The following KCNQ1 variants were observed in gnomAD, a reference collection of about 807,000 sequenced individuals.
KCNQ1 encodes the protein potassium voltage-gated channel subfamily Q member 1, also known as potassium voltage-gated channel subfamily KQT member 1.
Under a neutral mutation model 72.4 loss-of-function variants are expected in KCNQ1, and 49 were observed. The ratio of observed to expected loss-of-function variants is 0.68; its 90% confidence interval spans 0.54 to 0.86. The LOEUF is 0.86. Ranked by LOEUF, KCNQ1 falls within the 40% of genes least tolerant of loss-of-function variation. The pLI is 0.00. For synonymous variants in KCNQ1, 450 were observed against 412.6 expected (o/e 1.09, Z -1.10); for missense variants, 790 against 945.1 (o/e 0.84, Z 2.15).
chr11:2,640,355 C>T, intron 10 of KCNQ1: 1 of 398,586 alleles, frequency 2.5e-6, no homozygotes, highest in Non-Finnish European at 4.4e-6. Flanking sequence ...GGAACCACCC[C>T]ACTTACTGCA....
At chr11:2,607,112 C>T (rs768479319) in intron 10 of KCNQ1, among the ~76,000 whole-genome samples, 29 of 151,764 alleles carry the variant, frequency 1.9e-4, no homozygotes, top group Non-Finnish European at 2.8e-4. Context: ...ACCATATTAG[C>T]CAGTATGGTC....
intron 10 of KCNQ1, chr11:2,614,837 CTT>C (rs1204424114): frequency 5.0e-6 from 2 of 398,376 alleles, no homozygotes; most frequent in Non-Finnish European, 8.9e-6. Flanking sequence ...AGTCTTCCAA[CTT>C]TGTTCTTTTT....
rs1265685297 is a variant in KCNQ1 at position 2,612,622 on chromosome 11, A to G, written c.1393+23768A>G. ...TTCTATCTCTATATTGATATTATCT[A>G]TTTGATGAGTCTTTGTCATCACACT... On this transcript the variant is annotated intron_variant, in intron 10 of 15. Coordinates refer to ENST00000155840, the MANE Select transcript of KCNQ1 (RefSeq NM_000218.3). This position sits in a 1 kb window ranked among gnomAD's most constrained non-coding sequence, Gnocchi z 5.5. 20 of 398,434 alleles carry G rather than the reference A, an allele frequency of 5.0e-5. No homozygotes were observed. The East Asian group carries it at 7.1e-4, about 14-fold the overall frequency. 24.7% of individuals were successfully genotyped at this position (398,434 alleles called of 1,614,324 possible).
At chr11:2,810,036 T>C (rs1847456332) in intron 15 of KCNQ1, among the ~76,000 whole-genome samples, 2 of 152,202 alleles carry the variant, frequency 1.3e-5, no homozygotes, top group Admixed American at 1.3e-4. Context: ...GGTGCCCTAT[T>C]GATAGTTTAA....
chr11:2,822,937 A>G (rs529803968), intron 15 of KCNQ1, among the ~76,000 whole-genome samples: 2 of 152,218 alleles, frequency 1.3e-5, no homozygotes, highest in African/African-American at 4.8e-5. Flanking sequence ...AAAAAAAAAA[A>G]AATCAGTAAA....
rs1846596911 is a variant in KCNQ1 at position 2,477,977 on chromosome 11, C to T, written c.386+32493C>T. Among the ~76,000 whole-genome samples the T allele has an allele frequency of 6.6e-6, 1 of 152,140 alleles. No homozygotes were observed. The highest frequency in any genetic ancestry group is 1.9e-4 in the East Asian group (1 of 5,202). ...TTGTAGTCTCAGTGTCTCCCACCACCACTTACTAGTTACAAAGGAAAAAGA... is the reference window on the plus strand; with the variant it reads ...TTGTAGTCTCAGTGTCTCCCACCACTACTTACTAGTTACAAAGGAAAAAGA... On this transcript the variant is annotated intron_variant, in intron 1 of 15. Transcript: ENST00000155840. The surrounding 1 kb of genome is among the most constrained non-coding windows in gnomAD (Gnocchi z 5.0).
chr11:2,587,737 G>T, intron 9 of KCNQ1, 45 bp downstream of exon 9: 1 of 1,612,932 alleles, frequency 6.2e-7, no homozygotes, highest in Non-Finnish European at 8.5e-7. Flanking sequence ...CTTGCTAGCA[G>T]GTGGGGAGGC....
At position 2,843,577 on chromosome 11, in the gene KCNQ1, C is replaced by T. The variant is rs746761499; in HGVS notation, c.1795-4190C>T. 4.5e-4 allele frequency among the ~76,000 whole-genome samples: 68 copies of T among 152,398 alleles called. 1 individual carries two copies. Among genetic ancestry groups the T allele is most frequent in the Non-Finnish European group, 5.3e-4 (36 of 68,028 alleles). The stretch of plus-strand genomic sequence containing the variant: ...TGGGAGCAGCGGGTGTGCCCGGCCT[C>T]TCCCGCCTGTCCCTGGCCAGTCTGC... On this transcript the variant is annotated intron_variant, in intron 15 of 15. Coordinates refer to ENST00000155840, the MANE Select transcript of KCNQ1 (RefSeq NM_000218.3).
At position 2,458,488 on chromosome 11, in the gene KCNQ1, G is replaced by A. The variant is rs889762301; in HGVS notation, c.386+13004G>A. ...GGGACTCCCGCAGATGCCTGAGGCG[G>A]CAGTGCTGCTGAAGTCCTGCCAGGC... On this transcript the variant is annotated intron_variant, in intron 1 of 15. Coordinates refer to ENST00000155840, the MANE Select transcript of KCNQ1 (RefSeq NM_000218.3). This position sits in a 1 kb window ranked among gnomAD's most constrained non-coding sequence, Gnocchi z 4.6. Among the ~76,000 whole-genome samples, 5 of 152,258 alleles carry A rather than the reference G, an allele frequency of 3.3e-5. No individual in the cohort carries two copies. Among genetic ancestry groups the A allele is most frequent in the Non-Finnish European group, 7.3e-5 (5 of 68,056 alleles).
In KCNQ1 at chr11:2,544,890, ACAC is replaced by A. The variant is rs1847883851; in HGVS notation, c.477+16873_477+16875del. On this transcript the variant is annotated intron_variant, in intron 2 of 15. Coordinates refer to ENST00000155840, the MANE Select transcript of KCNQ1 (RefSeq NM_000218.3). This position sits in a 1 kb window ranked among gnomAD's most constrained non-coding sequence, Gnocchi z 4.4. ...TGCTGTGTCCCCAGCCTTAGAAGAC[ACAC>A]ATCATTGTTCACCGTCAAGGGTGAT... Among the ~76,000 whole-genome samples the A allele has an allele frequency of 6.6e-6, 1 of 152,230 alleles. No homozygotes were observed. Among genetic ancestry groups the A allele is most frequent in the Non-Finnish European group, 1.5e-5 (1 of 68,040 alleles).
rs1850295067 is a variant in KCNQ1 at position 2,676,396 on chromosome 11, G to A, written c.1514+14315G>A. Reference sequence around the variant, plus strand: ...GGAAGGAGCATAGTCTCTGTGTTCAGCTAGAGATTTAGCCCAATGGGCTGG... The same window carrying A: ...GGAAGGAGCATAGTCTCTGTGTTCAACTAGAGATTTAGCCCAATGGGCTGG... On this transcript the variant is annotated intron_variant, in intron 11 of 15. Transcript: ENST00000155840. This position sits in a 1 kb window ranked among gnomAD's most constrained non-coding sequence, Gnocchi z 4.2. 1 of 398,536 alleles carries A rather than the reference G, an allele frequency of 2.5e-6. No homozygotes were observed. The highest frequency in any genetic ancestry group is 2.1e-5 in the African/African-American group (1 of 48,650). The allele number at this position is 398,536 out of a possible 1,614,324, so 24.7% of individuals were successfully genotyped here.
chr11:2,811,200 C>T lies in KCNQ1; in HGVS notation c.1794+33163C>T, dbSNP rs984431117. ...TACCCCAATCCAAATGGAGCCTCCCCCAGGAAGCCCCTGGTGGGAATCCGT... is the reference window on the plus strand; with the variant it reads ...TACCCCAATCCAAATGGAGCCTCCCTCAGGAAGCCCCTGGTGGGAATCCGT... On this transcript the variant is annotated intron_variant, in intron 15 of 15. Coordinates refer to ENST00000155840, the MANE Select transcript of KCNQ1 (RefSeq NM_000218.3). Among the ~76,000 whole-genome samples the T allele has an allele frequency of 2.1e-4, 32 of 152,334 alleles. No homozygotes were observed. In the East Asian group the frequency reaches 2.7e-3, roughly 13 times the overall value.
chr11:2,575,995 C>T (rs1848418146), intron 6 of KCNQ1, among the ~76,000 whole-genome samples: 1 of 152,248 alleles, frequency 6.6e-6, no homozygotes, highest in South Asian at 2.1e-4. Context: ...CGGTGTGCGG[C>T]CGCCTCTTTC....
In KCNQ1 at chr11:2,703,985, G is replaced by A. The variant is rs1850864642; in HGVS notation, c.1514+41904G>A. ...GTGGACAGGAACGTGGGGGAGTGGGGGTGGTTAGGACCTCAGGGTTATCCC... is the reference window on the plus strand; with the variant it reads ...GTGGACAGGAACGTGGGGGAGTGGGAGTGGTTAGGACCTCAGGGTTATCCC... On this transcript the variant is annotated intron_variant, in intron 11 of 15. Transcript: ENST00000155840. The surrounding 1 kb of genome is among the most constrained non-coding windows in gnomAD (Gnocchi z 6.4). Among the ~76,000 whole-genome samples the A allele has an allele frequency of 6.6e-6, 1 of 152,224 alleles. No homozygotes were observed. Among genetic ancestry groups the A allele is most frequent in the Non-Finnish European group, 1.5e-5 (1 of 68,030 alleles).
chr11:2,699,706 C>A, intron 11 of KCNQ1: 1 of 221,110 alleles, frequency 4.5e-6, no homozygotes, highest in Admixed American at 1.0e-4. Context: ...CCGAGGAGAA[C>A]GGCGCCGAGG....
intron 6 of KCNQ1, among the ~76,000 whole-genome samples, chr11:2,577,329 C>G (rs1848437033): frequency 6.6e-6 from 1 of 152,236 alleles, no homozygotes; most frequent in African/African-American, 2.4e-5. Context: ...CGGAGTGTCC[C>G]TGCAGGACTG....
At position 2,495,913 on chromosome 11, in the gene KCNQ1, ATCTG is replaced by A. The variant is rs1846906116; in HGVS notation, c.387-32011_387-32008del. On this transcript the variant is annotated intron_variant, in intron 1 of 15. Coordinates refer to ENST00000155840, the MANE Select transcript of KCNQ1 (RefSeq NM_000218.3). This position sits in a 1 kb window ranked among gnomAD's most constrained non-coding sequence, Gnocchi z 4.6. ...TCCTTGTTAATTTTCTGTCTCATTG[ATCTG>A]TCTAATATTGACAGTGGAGTGTTAA... Among the ~76,000 whole-genome samples, 1 of 152,260 alleles carries A rather than the reference ATCTG, an allele frequency of 6.6e-6. No homozygotes were observed. Among genetic ancestry groups the A allele is most frequent in the Non-Finnish European group, 1.5e-5 (1 of 68,016 alleles).
At chr11:2,448,684 C>G (rs1310767367) in intron 1 of KCNQ1, among the ~76,000 whole-genome samples, 1 of 152,240 alleles carries the variant, frequency 6.6e-6, no homozygotes, top group Non-Finnish European at 1.5e-5. Flanking sequence ...TCTTTAAGAT[C>G]TGTCCACCCA....
At chr11:2,472,064 G>C (rs553386460) in intron 1 of KCNQ1, among the ~76,000 whole-genome samples, 1 of 151,500 alleles carries the variant, frequency 6.6e-6, no homozygotes, top group African/African-American at 2.4e-5. Flanking sequence ...GCACATGTGT[G>C]TAGGTGTGTG....
Sources: allele counts gnomAD v4.1 joint callset (sites outside exome capture counted in the v4.1 genomes callset), GRCh38; gene constraint gnomAD v4.1.1; non-coding constraint Gnocchi (gnomAD v3.1); transcripts MANE v1.5; gene names NCBI Gene and HGNC (gene_info 2026-07-23, HGNC 2026-07-21).